Variants in SLC1A1 observed in about 807,000 individuals in gnomAD.
SLC1A1 encodes solute carrier family 1 member 1, also known as excitatory amino acid transporter 3.
In SLC1A1, 43 loss-of-function variants were observed where a neutral mutation model predicts 53.3. The ratio of observed to expected loss-of-function variants is 0.81; its 90% CI spans 0.63 to 1.04. SLC1A1 has a LOEUF of 1.04. Ranked by LOEUF, SLC1A1 falls within the 50% of genes least tolerant of loss-of-function variation. The pLI, the probability that SLC1A1 is intolerant of heterozygous loss-of-function variation, is 0.00. For synonymous variants in SLC1A1, 307 were observed against 243.2 expected (o/e 1.26, Z -2.44); for missense variants, 748 against 664.9 (o/e 1.12, Z -1.37).
intron 1 of SLC1A1, among the ~76,000 whole-genome samples, chr9:4,520,884 A>C (rs959605616): frequency 1.3e-5 from 2 of 152,224 alleles, no homozygotes; most frequent in African/African-American, 2.4e-5. Flanking sequence ...CTCACCAAAA[A>C]GGCAAAAAGA....
intron 1 of SLC1A1, among the ~76,000 whole-genome samples, chr9:4,512,178 A>T (rs1477320909): frequency 2.0e-5 from 3 of 152,214 alleles, no homozygotes; most frequent in African/African-American, 7.2e-5. Context: ...TCTAAATCCC[A>T]GCAGGGATTT....
rs890771194 is a variant in SLC1A1, at chr9:4,567,785, T to G, written c.582+18T>G. 2.7e-5 allele frequency: 39 copies of G among 1,458,446 alleles called. No individual in the cohort carries two copies. Among genetic ancestry groups the G allele is most frequent in the Non-Finnish European group, 3.7e-5 (38 of 1,039,196 alleles). The allele number at this position is 1,458,446 out of a possible 1,614,324, so 90.3% of individuals were successfully genotyped here. ...TTTCCAAGGTACCATTCTTATTTCC[T>G]GTTCCTCTTCCCCAGGAGACAGGCA... On this transcript the variant is annotated intron_variant, in intron 6 of 11. Transcript: ENST00000262352.
Position 4,585,832 on chromosome 9 carries a change from A to T in SLC1A1, c.*274A>T. On this transcript the variant is annotated 3_prime_UTR_variant, in exon 12 of 12. Coordinates refer to ENST00000262352, the MANE Select transcript of SLC1A1 (RefSeq NM_004170.6). ...TAAGAGACAAAGTTTGGAAGTACAT[A>T]AAGTAATAACTGTTAGAATTAGGTA... 2 of 463,850 alleles carry T rather than the reference A, an allele frequency of 4.3e-6. No individual in the cohort carries two copies. Among genetic ancestry groups the T allele is most frequent in the Non-Finnish European group, 7.9e-6 (2 of 253,562 alleles). 28.7% of individuals were successfully genotyped at this position (463,850 alleles called of 1,614,324 possible).
chr9:4,497,972 G>T (rs1331416621), intron 1 of SLC1A1, among the ~76,000 whole-genome samples: 1 of 152,132 alleles, frequency 6.6e-6, no homozygotes, highest in Admixed American at 6.5e-5. Context: ...TATTGAAAAA[G>T]AGTTGAAAAC....
Position 4,585,486 on chromosome 9 carries a change from G to A in SLC1A1, c.1503G>A (p.Lys501=), listed in dbSNP as rs1398186919. ...ILDNEDSDTK[K]SYVNGGFAVD... ...ACAACGAAGACTCAGACACCAAGAA[G>A]TCTTATGTCAATGGAGGCTTTGCAG... is the stretch of plus-strand genomic sequence containing the variant. Residue 501 remains lysine (K), a synonymous_variant, in exon 12 of 12, where the codon AAG becomes AAA. Coordinates refer to ENST00000262352, the MANE Select transcript of SLC1A1 (RefSeq NM_004170.6). 3 of 1,614,114 alleles carry A rather than the reference G, an allele frequency of 1.9e-6. No homozygotes were observed. The highest frequency in any genetic ancestry group is 2.7e-5 in the African/African-American group (2 of 74,938).
intron 2 of SLC1A1, among the ~76,000 whole-genome samples, chr9:4,548,896 C>T (rs1391136131): frequency 1.3e-5 from 2 of 152,144 alleles, no homozygotes; most frequent in African/African-American, 2.4e-5. Context: ...GAAGAACATG[C>T]TCCCGCCCTG....
intron 1 of SLC1A1, among the ~76,000 whole-genome samples, chr9:4,519,769 A>G (rs1434278980): frequency 6.6e-6 from 1 of 152,114 alleles, no homozygotes; most frequent in Non-Finnish European, 1.5e-5. Context: ...GGTAGGACAT[A>G]CTCAACTCCA....
intron 1 of SLC1A1, among the ~76,000 whole-genome samples, chr9:4,510,038 T>G (rs1820947545): frequency 6.6e-6 from 1 of 152,102 alleles, no homozygotes; most frequent in Non-Finnish European, 1.5e-5. Flanking sequence ...TTTGCTGTGT[T>G]GGCCAGGCTG....
intron 1 of SLC1A1, among the ~76,000 whole-genome samples, chr9:4,519,065 AACTGTTTATTAGTTTGCAGG>A (rs1815971695): frequency 6.6e-6 from 1 of 152,168 alleles, no homozygotes; most frequent in Non-Finnish European, 1.5e-5. Flanking sequence ...ATGTTTGCAG[AACTGTTTATTAGTTTGCAGG>A]ACTGTTTATT....
chr9:4,528,093 T>C (rs191500511), intron 1 of SLC1A1, among the ~76,000 whole-genome samples: 3 of 152,252 alleles, frequency 2.0e-5, no homozygotes, highest in South Asian at 2.1e-4. Flanking sequence ...CCAGGGATAT[T>C]AGGAGCATGG....
chr9:4,498,924 ATATG>A (rs1450071478), intron 1 of SLC1A1, among the ~76,000 whole-genome samples: 5 of 147,086 alleles, frequency 3.4e-5, no homozygotes, highest in South Asian at 2.1e-4. Flanking sequence ...ATACATATAC[ATATG>A]TATGTATTAT....
intron 1 of SLC1A1, among the ~76,000 whole-genome samples, chr9:4,514,327 C>T (rs2130818716): frequency 6.6e-6 from 1 of 152,226 alleles, no homozygotes. Context: ...AAGAGCAAAA[C>T]CTTGAGTGGC....
chr9:4,509,240 C>G (rs1372583306), intron 1 of SLC1A1, among the ~76,000 whole-genome samples: 1 of 152,102 alleles, frequency 6.6e-6, no homozygotes, highest in African/African-American at 2.4e-5. Flanking sequence ...GTGACTGGAT[C>G]TGCTGGGATT....
At chr9:4,561,379 G>A in intron 2 of SLC1A1, 70 bp from the exon 3 acceptor site, 1 of 924,886 alleles carries the variant, frequency 1.1e-6, no homozygotes, top group Non-Finnish European at 1.8e-6. Context: ...CACAACCTGA[G>A]GATTAAATCG....
In SLC1A1 at chr9:4,534,481, G is replaced by A. The variant is rs553687151; in HGVS notation, c.92-10086G>A. On this transcript the variant is annotated intron_variant, in intron 1 of 11. Transcript: ENST00000262352. The stretch of plus-strand genomic sequence containing the variant: ...ATCTAGAAGAAATGGATAAATTCCT[G>A]GACACATACACCCTCCCAAGACTAA... 5.7e-4 allele frequency among the ~76,000 whole-genome samples: 86 copies of A among 152,158 alleles called. 1 individual carries two copies. The highest frequency in any genetic ancestry group is 2.0e-3 in the African/African-American group (84 of 41,514).
At position 4,549,103 on chromosome 9, in the gene SLC1A1, A is replaced by C. The variant is rs116476251; in HGVS notation, c.232+4396A>C. Among the ~76,000 whole-genome samples the C allele has an allele frequency of 1.7e-3, 266 of 152,312 alleles. 1 individual carries two copies. Among genetic ancestry groups the C allele is most frequent in the African/African-American group, 6.0e-3 (251 of 41,558 alleles). ...TACTTCCCAAAATTAAACTATGATGATTGGAGCCTCCTATGACCAACACAG... is the reference window on the plus strand; with the variant it reads ...TACTTCCCAAAATTAAACTATGATGCTTGGAGCCTCCTATGACCAACACAG... On this transcript the variant is annotated intron_variant, in intron 2 of 11. Coordinates refer to ENST00000262352, the MANE Select transcript of SLC1A1 (RefSeq NM_004170.6). This position sits in a 1 kb window ranked among gnomAD's most constrained non-coding sequence, Gnocchi z 4.1.
intron 1 of SLC1A1, among the ~76,000 whole-genome samples, chr9:4,526,238 T>G (rs183872078): frequency 8.0e-4 from 122 of 152,210 alleles, no homozygotes; most frequent in Admixed American, 2.2e-3. Context: ...TGGAAAGAAT[T>G]TATTAGATAA....
At chr9:4,530,283 C>T (rs114515828) in intron 1 of SLC1A1, among the ~76,000 whole-genome samples, 3,669 of 152,202 alleles carry the variant, frequency 0.024, 155 homozygotes, top group African/African-American at 0.085. Context: ...GTCTGGATAA[C>T]TGAATTGTCA....
At chr9:4,547,290 AG>A (rs1817571945) in intron 2 of SLC1A1, among the ~76,000 whole-genome samples, 1 of 152,242 alleles carries the variant, frequency 6.6e-6, no homozygotes, top group Non-Finnish European at 1.5e-5. Context: ...CCACTGACAT[AG>A]CCCAGCTACT....
Sources: allele counts gnomAD v4.1 joint callset (sites outside exome capture counted in the v4.1 genomes callset), GRCh38; gene constraint gnomAD v4.1.1; non-coding constraint Gnocchi (gnomAD v3.1); transcripts MANE v1.5; gene names NCBI Gene and HGNC (gene_info 2026-07-23, HGNC 2026-07-21).